The following SLC2A9 variants were observed in gnomAD, a reference collection of about 807,000 sequenced individuals.
SLC2A9 encodes solute carrier family 2 member 9.
SLC2A9 carries 39 observed loss-of-function variants against 50.6 expected under a neutral mutation model. That is an observed-to-expected ratio of 0.77 (90% confidence interval 0.60 to 1.01). The LOEUF (loss-of-function observed/expected upper bound fraction) is 1.01. SLC2A9 is among the 50% of genes least tolerant of loss of function. The pLI, the probability that SLC2A9 is intolerant of heterozygous loss-of-function variation, is 0.00. For synonymous variants in SLC2A9, 324 were observed against 276.9 expected (o/e 1.17, Z -1.69); for missense variants, 686 against 677.6 (o/e 1.01, Z -0.14).
chr4:10,009,435 T>C (rs1252912079), intron 2 of SLC2A9: 1 of 152,238 alleles, frequency 6.6e-6, no homozygotes, highest in Non-Finnish European at 1.5e-5. Flanking sequence ...TAGAGGGAAA[T>C]GTTGATTTTG....
chr4:9,940,611 G>A (rs1365080923), intron 6 of SLC2A9, among the ~76,000 whole-genome samples: 1 of 152,148 alleles, frequency 6.6e-6, no homozygotes, highest in East Asian at 1.9e-4. Flanking sequence ...AAAACCCACA[G>A]CTTTGGGAAA....
At chr4:9,901,673 C>G (rs978004344) in intron 8 of SLC2A9, among the ~76,000 whole-genome samples, 4 of 151,886 alleles carry the variant, frequency 2.6e-5, no homozygotes, top group East Asian at 1.9e-4. Context: ...AAGCCCCATG[C>G]CCCCCCACCA....
chr4:10,028,102 A>T (rs955476395), intron 1 of SLC2A9, among the ~76,000 whole-genome samples: 4 of 152,142 alleles, frequency 2.6e-5, no homozygotes, highest in African/African-American at 9.7e-5. Flanking sequence ...TGCTTTGACC[A>T]GGAACCCAGC....
rs543804501 is a variant in SLC2A9, at chr4:9,876,327, G to T, written c.1291+11240C>A. On this transcript the variant is annotated intron_variant, in intron 10 of 11. Coordinates refer to ENST00000264784, the MANE Select transcript of SLC2A9 (RefSeq NM_020041.3). ...GAACTGCTTTTAAAATCCTGGCAGTGCATGCTTGTAATCTCAGCACTTTGG... is the reference window on the plus strand; with the variant it reads ...GAACTGCTTTTAAAATCCTGGCAGTTCATGCTTGTAATCTCAGCACTTTGG... Among the ~76,000 whole-genome samples the T allele has an allele frequency of 3.9e-5, 6 of 152,274 alleles. No individual in the cohort carries two copies. The South Asian group carries it at 1.2e-3, about 32-fold the overall frequency.
chr4:9,998,558 C>A (rs1344349421), intron 2 of SLC2A9, among the ~76,000 whole-genome samples: 1 of 152,134 alleles, frequency 6.6e-6, no homozygotes, highest in Admixed American at 6.5e-5. Flanking sequence ...AGGAGTTTGA[C>A]TTGTACAGCC....
intron 5 of SLC2A9, among the ~76,000 whole-genome samples, chr4:9,951,027 G>A (rs1446201475): frequency 6.6e-6 from 1 of 152,026 alleles, no homozygotes; most frequent in Non-Finnish European, 1.5e-5. Flanking sequence ...TACGTCAAAG[G>A]GATACCTGTA....
At chr4:9,865,102 C>T (rs1200230895) in intron 10 of SLC2A9, among the ~76,000 whole-genome samples, 1 of 152,238 alleles carries the variant, frequency 6.6e-6, no homozygotes, top group East Asian at 1.9e-4. Flanking sequence ...AGTCCCAAGC[C>T]TATGCTTCTT....
intron 5 of SLC2A9, among the ~76,000 whole-genome samples, chr4:9,944,398 T>C (rs902174715): frequency 6.6e-6 from 1 of 152,254 alleles, no homozygotes; most frequent in Non-Finnish European, 1.5e-5. Flanking sequence ...TCACATTGCA[T>C]GACTTATTCC....
In SLC2A9 at chr4:9,827,031, A is replaced by G. The variant is rs150932334; in HGVS notation, c.1420-431T>C. Among the ~76,000 whole-genome samples, 10 of 152,368 alleles carry G rather than the reference A, an allele frequency of 6.6e-5. No homozygotes were observed. In the East Asian group the frequency reaches 1.7e-3, roughly 26 times the overall value. On this transcript the variant is annotated intron_variant, in intron 11 of 11. Transcript: ENST00000264784. ...TTCATAGGAAGAATGTGGAGCACAGAATAGGCCAAGGTAATGCCAGTTTTT... is the reference window on the plus strand; with the variant it reads ...TTCATAGGAAGAATGTGGAGCACAGGATAGGCCAAGGTAATGCCAGTTTTT...
intron 5 of SLC2A9, among the ~76,000 whole-genome samples, chr4:9,948,461 G>A (rs926466224): frequency 2.0e-5 from 3 of 152,226 alleles, no homozygotes; most frequent in African/African-American, 7.2e-5. Flanking sequence ...AGTGAATGGT[G>A]GTGCATGGCC....
intron 3 of SLC2A9, among the ~76,000 whole-genome samples, chr4:9,989,220 G>C (rs1029385746): frequency 6.6e-6 from 1 of 152,136 alleles, no homozygotes; most frequent in Non-Finnish European, 1.5e-5. Context: ...ACCCCAGCTG[G>C]TTAAATCTCT....
intron 10 of SLC2A9, among the ~76,000 whole-genome samples, chr4:9,874,059 C>A (rs1325318139): frequency 6.6e-6 from 1 of 152,130 alleles, no homozygotes; most frequent in African/African-American, 2.4e-5. Context: ...GATGATCTGG[C>A]CACCACTTTC....
chr4:9,945,086 T>A (rs1748871854), intron 5 of SLC2A9, among the ~76,000 whole-genome samples: 1 of 152,238 alleles, frequency 6.6e-6, no homozygotes, highest in South Asian at 2.1e-4. Flanking sequence ...TCTCTCCCAA[T>A]GACAGTGGTA....
chr4:9,988,843 C>T lies in SLC2A9; in HGVS notation c.411-3050G>A, dbSNP rs150665766. On this transcript the variant is annotated intron_variant, in intron 3 of 11. Transcript: ENST00000264784. ...AGTGTCAAAGGGGCTGGAGACATTT[C>T]GCCTGGACAAGAGGTCAGAGAAAGC... Among the ~76,000 whole-genome samples, 479 of 152,342 alleles carry T rather than the reference C, an allele frequency of 3.1e-3. 7 individuals are homozygous for T. Among genetic ancestry groups the T allele is most frequent in the South Asian group, 7.9e-3 (38 of 4,824 alleles).
At position 9,980,690 on chromosome 4, in the gene SLC2A9, T is replaced by C. The variant is rs769469694; in HGVS notation, c.583A>G (p.Lys195Glu). The C allele has an allele frequency of 1.2e-6, 2 of 1,614,104 alleles. No homozygotes were observed. The highest frequency in any genetic ancestry group is 1.1e-5 in the South Asian group (1 of 91,078). Residue 195 changes from lysine to glutamate, a missense_variant, in exon 5 of 12, where the codon AAG becomes GAG. Lys to Glu is a moderately conservative substitution (Grantham distance 56). Coordinates refer to ENST00000264784, the MANE Select transcript of SLC2A9 (RefSeq NM_020041.3). ...TGCCCCAGAGAGCCACGGATCTCCT[T>C]GGGTGAGATCTCACTAAGGTACATG... ...LPMYLSEISP[K>E]EIRGSLGQVT...
At chr4:9,918,304 T>A (rs747257960) in intron 7 of SLC2A9, among the ~76,000 whole-genome samples, 9 of 152,166 alleles carry the variant, frequency 5.9e-5, no homozygotes, top group Non-Finnish European at 1.3e-4. Context: ...TGCTGGTAGC[T>A]CTCTTTGTCC....
intron 3 of SLC2A9, among the ~76,000 whole-genome samples, chr4:9,815,560 C>T (rs1292455388): frequency 6.6e-6 from 1 of 152,174 alleles, no homozygotes; most frequent in Admixed American, 6.5e-5. Flanking sequence ...AGGGTGTGGC[C>T]TTCAGTTTCA....
downstream of SLC2A9, among the ~76,000 whole-genome samples, chr4:9,778,490 A>G (rs139745376): frequency 9.1e-3 from 1,367 of 150,092 alleles, 26 homozygotes; most frequent in African/African-American, 0.032. Context: ...TTACTCTCCT[A>G]TCCATATTCC....
At chr4:10,006,888 C>A (rs36058283) in intron 2 of SLC2A9, among the ~76,000 whole-genome samples, 12,297 of 151,786 alleles carry the variant, frequency 0.081, 869 homozygotes, top group East Asian at 0.39. Flanking sequence ...TATGTGACCA[C>A]CCCCCGAGAA....
Sources: allele counts gnomAD v4.1 joint callset (sites outside exome capture counted in the v4.1 genomes callset), GRCh38; gene constraint gnomAD v4.1.1; transcripts MANE v1.5; gene names NCBI Gene and HGNC (gene_info 2026-07-23, HGNC 2026-07-21).